SEPTIN9: variants seen among roughly 807,000 people sequenced by gnomAD.
The protein encoded by SEPTIN9 is septin 9, also known as septin-9.
In SEPTIN9, 13 loss-of-function variants were observed where a neutral mutation model predicts 56.6. That is an observed-to-expected ratio of 0.23 (90% CI 0.15 to 0.37). The LOEUF (loss-of-function observed/expected upper bound fraction) is 0.37, where lower values mean the gene tolerates loss of function less well. Ranked by LOEUF, SEPTIN9 falls within the 10% of genes least tolerant of loss-of-function variation. The pLI, the probability that SEPTIN9 is intolerant of heterozygous loss-of-function variation, is 1.00. For synonymous variants in SEPTIN9, 332 were observed against 334.1 expected (o/e 0.99, Z 0.07); for missense variants, 650 against 823.1 (o/e 0.79, Z 2.57).
chr17:77,401,332 C>T (rs1004883937), intron 2 of SEPTIN9, among the ~76,000 whole-genome samples: 23 of 152,082 alleles, frequency 1.5e-4, no homozygotes, highest in Non-Finnish European at 3.2e-4. Flanking sequence ...GTTACAGTTG[C>T]GGTCACTTAT....
At chr17:77,299,110 TCAGGAGA>T in intron 1 of SEPTIN9, among the ~76,000 whole-genome samples, 1 of 152,236 alleles carries the variant, frequency 6.6e-6, no homozygotes, top group East Asian at 1.9e-4. Flanking sequence ...AAGCTGAGGC[TCAGGAGA>T]AGGGCAGTCC....
chr17:77,326,447 A>C lies in SEPTIN9; in HGVS notation c.76+19250A>C, dbSNP rs1465007693. Among the ~76,000 whole-genome samples the C allele has an allele frequency of 1.3e-5, 2 of 152,190 alleles. No individual in the cohort carries two copies. Among genetic ancestry groups the C allele is most frequent in the Non-Finnish European group, 2.9e-5 (2 of 68,036 alleles). On this transcript the variant is annotated intron_variant, in intron 2 of 11. Transcript: ENST00000427177. This position sits in a 1 kb window ranked among gnomAD's most constrained non-coding sequence, Gnocchi z 5.1. ...GCCTCGGGGGGACACCTTCGGGCTG[A>C]GCGCAGAAGGATGAGGGGAGTAAAC...
chr17:77,387,257 G>GC (rs1186924703), intron 2 of SEPTIN9, among the ~76,000 whole-genome samples: 15 of 152,222 alleles, frequency 9.9e-5, no homozygotes, highest in African/African-American at 3.6e-4. Context: ...GCTCCCGGGT[G>GC]CTCCTGGGCA....
Position 77,493,013 on chromosome 17 carries a change from C to T in SEPTIN9, c.1510C>T (p.His504Tyr), listed in dbSNP as rs1484055043. Residue 504 changes from histidine (H) to tyrosine (Y), a missense_variant, in exon 10 of 12, where the codon CAC becomes TAC. Coordinates refer to ENST00000427177, the MANE Select transcript of SEPTIN9 (RefSeq NM_001113491.2). ...CCCATTTGCTGTGGTGGGCAGTGAC[C>T]ACGAGTACCAGGTCAACGGCAAGAG... ...MIPFAVVGSD[H>Y]EYQVNGKRIL... 3 of 1,569,786 alleles carry T rather than the reference C, an allele frequency of 1.9e-6. No homozygotes were observed. In the Admixed American group the frequency reaches 5.6e-5, roughly 30 times the overall value.
intron 2 of SEPTIN9, chr17:77,322,541 T>G (rs1427523865): frequency 6.6e-6 from 1 of 152,244 alleles, no homozygotes. Flanking sequence ...TGGGCAAACT[T>G]TAGCGCTGGT....
chr17:77,292,786 G>T (rs1041019049), intron 1 of SEPTIN9, among the ~76,000 whole-genome samples: 1 of 152,014 alleles, frequency 6.6e-6, no homozygotes, highest in Non-Finnish European at 1.5e-5. Context: ...GAGCCACCAG[G>T]CCCGGCCGTT....
At chr17:77,385,355 C>T (rs1315856981) in intron 2 of SEPTIN9, among the ~76,000 whole-genome samples, 5 of 151,582 alleles carry the variant, frequency 3.3e-5, no homozygotes, top group African/African-American at 4.8e-5. Context: ...AGCCTCCATT[C>T]GGAGGCTGCT....
chr17:77,283,322 C>T (rs1479734597), intron 1 of SEPTIN9, among the ~76,000 whole-genome samples: 1 of 152,070 alleles, frequency 6.6e-6, no homozygotes, highest in Non-Finnish European at 1.5e-5. Context: ...AGGGAGGGCT[C>T]AGACCATTTC....
intron 2 of SEPTIN9, among the ~76,000 whole-genome samples, chr17:77,359,281 C>T (rs2034345343): frequency 6.6e-6 from 1 of 152,230 alleles, no homozygotes; most frequent in Non-Finnish European, 1.5e-5. Flanking sequence ...AAACAACTAG[C>T]ATCTGTACCA....
intron 2 of SEPTIN9, among the ~76,000 whole-genome samples, chr17:77,349,281 T>C (rs1353314492): frequency 6.6e-6 from 1 of 152,046 alleles, no homozygotes; most frequent in Non-Finnish European, 1.5e-5. Context: ...CATACCCAGC[T>C]AATTTTTGTA....
intron 1 of SEPTIN9, among the ~76,000 whole-genome samples, chr17:77,304,820 C>T (rs918348656): frequency 4.6e-5 from 7 of 152,122 alleles, no homozygotes; most frequent in African/African-American, 9.7e-5. Flanking sequence ...ATAGTGACCC[C>T]GTGTGCGTTA....
chr17:77,413,905 T>TA (rs1438554892), intron 3 of SEPTIN9, among the ~76,000 whole-genome samples: 1 of 151,702 alleles, frequency 6.6e-6, no homozygotes, highest in Non-Finnish European at 1.5e-5. Flanking sequence ...ATGGAATTCT[T>TA]ACCTTTACCA....
At position 77,354,263 on chromosome 17, in the gene SEPTIN9, G is replaced by A. The variant is rs369234799; in HGVS notation, c.76+47066G>A. ...AGTGTTACCCCGTTTTATAGATGAGGAAACAGGCGTAGAGGGATAAAGGGA... is the reference window on the plus strand; with the variant it reads ...AGTGTTACCCCGTTTTATAGATGAGAAAACAGGCGTAGAGGGATAAAGGGA... On this transcript the variant is annotated intron_variant, in intron 2 of 11. Transcript: ENST00000427177. Among the ~76,000 whole-genome samples the A allele has an allele frequency of 1.4e-4, 21 of 152,272 alleles. 1 individual carries two copies. The South Asian group carries it at 1.9e-3, about 14-fold the overall frequency.
chr17:77,366,443 G>A (rs1324680199), intron 2 of SEPTIN9, among the ~76,000 whole-genome samples: 1 of 152,204 alleles, frequency 6.6e-6, no homozygotes, highest in African/African-American at 2.4e-5. Flanking sequence ...CCTCAGCAGA[G>A]CCGCTGGTGG....
chr17:77,359,357 G>A (rs1027942822), intron 2 of SEPTIN9, among the ~76,000 whole-genome samples: 7 of 152,252 alleles, frequency 4.6e-5, no homozygotes, highest in African/African-American at 7.2e-5. Context: ...GAGAAAGTAA[G>A]ATTGGAAAAG....
At chr17:77,291,276 C>T (rs1299378931) in intron 1 of SEPTIN9, among the ~76,000 whole-genome samples, 1 of 150,680 alleles carries the variant, frequency 6.6e-6, no homozygotes, top group Non-Finnish European at 1.5e-5. Flanking sequence ...CCTCGTGATC[C>T]ACCTGCCTTG....
chr17:77,373,908 C>T (rs1411652144), intron 2 of SEPTIN9: 3 of 243,324 alleles, frequency 1.2e-5, no homozygotes, highest in African/African-American at 4.5e-5. Context: ...CTCTCCAGGA[C>T]GCACAGTTTC....
At chr17:77,414,572 C>CTTTT (rs559525322) in intron 3 of SEPTIN9, among the ~76,000 whole-genome samples, 9 of 123,838 alleles carry the variant, frequency 7.3e-5, no homozygotes, top group Admixed American at 1.7e-4. Context: ...TGTGTGGATT[C>CTTTT]TTTTTTTTTT....
At chr17:77,467,094 G>C (rs906390082) in intron 3 of SEPTIN9, among the ~76,000 whole-genome samples, 2 of 152,244 alleles carry the variant, frequency 1.3e-5, no homozygotes, top group African/African-American at 4.8e-5. Flanking sequence ...GGCCGGCCAT[G>C]TCACGTCAGG....
Sources: allele counts gnomAD v4.1 joint callset (sites outside exome capture counted in the v4.1 genomes callset), GRCh38; gene constraint gnomAD v4.1.1; non-coding constraint Gnocchi (gnomAD v3.1); transcripts MANE v1.5; gene names NCBI Gene and HGNC (gene_info 2026-07-23, HGNC 2026-07-21).